MITF: variants seen among roughly 807,000 people sequenced by gnomAD.
MITF encodes the protein melanocyte inducing transcription factor, also known as microphthalmia-associated transcription factor.
A neutral mutation model predicts 60.5 loss-of-function variants in MITF; 17 were observed. The ratio of observed to expected loss-of-function variants is 0.28; its 90% CI spans 0.19 to 0.42. The LOEUF (loss-of-function observed/expected upper bound fraction) is 0.42. Ranked by LOEUF, MITF falls within the 10% of genes least tolerant of loss-of-function variation. The probability of loss-of-function intolerance (pLI) is 1.00; values close to 1 mark genes in which losing one functional copy is unlikely to be tolerated. For synonymous variants in MITF, 260 were observed against 248.5 expected (o/e 1.05, Z -0.43); for missense variants, 622 against 683.5 (o/e 0.91, Z 1.00).
chr3:69,913,535 G>T (rs1385273123), intron 2 of MITF, among the ~76,000 whole-genome samples: 1 of 152,166 alleles, frequency 6.6e-6, no homozygotes, highest in African/African-American at 2.4e-5. Context: ...AGTGACAATG[G>T]TGCACAGTTG....
intron 1 of MITF, among the ~76,000 whole-genome samples, chr3:69,864,822 C>T (rs1051720657): frequency 3.3e-5 from 5 of 152,128 alleles, no homozygotes; most frequent in African/African-American, 9.7e-5. Context: ...ATAGTTCTTA[C>T]ATATGTTGTT....
chr3:69,895,808 TTG>T (rs35088149), intron 2 of MITF, among the ~76,000 whole-genome samples: 15,998 of 139,904 alleles, frequency 0.11, 687 homozygotes, highest in Admixed American at 0.17. Flanking sequence ...TGTGGAGTGT[TTG>T]TGTGTGTGTG....
chr3:69,762,767 C>A, intron 1 of MITF: 1 of 223,678 alleles, frequency 4.5e-6, no homozygotes. Context: ...CTCCATGAGT[C>A]TGAGCATCTA....
intron 1 of MITF, among the ~76,000 whole-genome samples, chr3:69,765,729 C>T (rs974314027): frequency 6.6e-6 from 1 of 152,134 alleles, no homozygotes; most frequent in Non-Finnish European, 1.5e-5. Context: ...AAATATGATT[C>T]CCTTACCATA....
intron 1 of MITF, among the ~76,000 whole-genome samples, chr3:69,808,417 C>T (rs933822109): frequency 6.6e-6 from 1 of 152,078 alleles, no homozygotes; most frequent in Non-Finnish European, 1.5e-5. Flanking sequence ...TATTCTCTGT[C>T]ATGGGGCTTG....
At chr3:69,865,973 G>A (rs2064106850) in intron 1 of MITF, among the ~76,000 whole-genome samples, 1 of 152,182 alleles carries the variant, frequency 6.6e-6, no homozygotes, top group South Asian at 2.1e-4. Flanking sequence ...AGCCAGTACC[G>A]GAGCTGGGTA....
chr3:69,955,492 G>A (rs1430961438), intron 7 of MITF, among the ~76,000 whole-genome samples: 1 of 152,152 alleles, frequency 6.6e-6, no homozygotes, highest in East Asian at 1.9e-4. Flanking sequence ...TGTGGCCCAT[G>A]AGTTAAGAAT....
At chr3:69,889,104 A>G (rs2064699695) in intron 2 of MITF, among the ~76,000 whole-genome samples, 1 of 148,758 alleles carries the variant, frequency 6.7e-6, no homozygotes, top group Non-Finnish European at 1.5e-5. Context: ...TCTTAAAAGA[A>G]TGAATTTATG....
rs1167242667 is a variant in MITF, at chr3:69,964,397, G to A, written c.1180-450G>A. On this transcript the variant is annotated intron_variant, in intron 9 of 9. Transcript: ENST00000352241. ...TAAAAATTTATTTCACATACTGCCA[G>A]TGGTACTTCTCCTATACTTTAGAAC... 2.1e-4 allele frequency among the ~76,000 whole-genome samples: 16 copies of A among 77,094 alleles called. 5 individuals carry two copies. The highest frequency in any genetic ancestry group is 2.1e-3 in the Admixed American group (16 of 7,750). The allele number at this position is 77,094 out of a possible 152,430, so 50.6% of individuals were successfully genotyped here.
intron 2 of MITF, among the ~76,000 whole-genome samples, chr3:69,896,770 C>T (rs1445772068): frequency 2.6e-5 from 4 of 152,142 alleles, no homozygotes; most frequent in Non-Finnish European, 4.4e-5. Flanking sequence ...TATGTAAGTA[C>T]CTAGCACAGC....
At chr3:69,820,354 G>T (rs1331167986) in intron 1 of MITF, among the ~76,000 whole-genome samples, 1 of 152,120 alleles carries the variant, frequency 6.6e-6, no homozygotes. Flanking sequence ...GTTACACTTT[G>T]ATGTGACTCT....
chr3:69,895,804 GTGTT>G (rs1440471711), intron 2 of MITF, among the ~76,000 whole-genome samples: 2 of 123,580 alleles, frequency 1.6e-5, no homozygotes, highest in African/African-American at 6.0e-5. Flanking sequence ...GAATTGTGGA[GTGTT>G]TGTGTGTGTG....
At chr3:69,780,180 C>G (rs534745362) in intron 1 of MITF, among the ~76,000 whole-genome samples, 1 of 151,998 alleles carries the variant, frequency 6.6e-6, no homozygotes, top group Non-Finnish European at 1.5e-5. Flanking sequence ...AAATGGGCCA[C>G]GTGGAAACGA....
In MITF at chr3:69,937,928, A is replaced by T; in HGVS notation, c.461A>T (p.Gln154Leu). 1 of 1,614,166 alleles carries T rather than the reference A, an allele frequency of 6.2e-7. No homozygotes were observed. The highest frequency in any genetic ancestry group is 8.5e-7 in the Non-Finnish European group (1 of 1,180,008). ...ACTTTAGCAAATAAACATGCCAACC[A>T]AGTCCTGAGCTTGCCATGTCCAAAC... ...STTLANKHAN[Q>L]VLSLPCPNQP... The change falls in exon 3 of 10, where the codon CAA (glutamine) becomes CTA (leucine). Residue 154 changes from glutamine (Q) to leucine (L), a missense_variant. This residue lies in a region of MITF where 215 missense variants were observed against 224.8 expected (regional missense o/e 0.96). Transcript: ENST00000352241.
At chr3:69,739,790 G>T in intron 1 of MITF, 89 bp downstream of exon 1, 1 of 998,806 alleles carries the variant, frequency 1.0e-6, no homozygotes, top group Non-Finnish European at 1.5e-6. Flanking sequence ...GGTCGCGGGA[G>T]CTCTGGGACA....
At chr3:69,850,515 T>A (rs2063807320) in intron 1 of MITF, among the ~76,000 whole-genome samples, 1 of 152,104 alleles carries the variant, frequency 6.6e-6, no homozygotes, top group Admixed American at 6.5e-5. Flanking sequence ...TTAAGAACCT[T>A]TTGAAAGGGG....
rs2107552776 is a variant in MITF at position 69,965,077 on chromosome 3, C to A, written c.1410C>A (p.Ala470=). Residue 470 remains alanine (A), a synonymous_variant, in exon 10 of 10, where the codon GCC becomes GCA. Transcript: ENST00000352241. ...NLGTGTEANQ[A]YSVPTKMGSK... is the part of the protein sequence containing the mutation. Reference sequence around the variant, plus strand: ...GAACTGGGACTGAGGCCAACCAAGCCTATAGTGTCCCCACAAAAATGGGAT... The same window carrying A: ...GAACTGGGACTGAGGCCAACCAAGCATATAGTGTCCCCACAAAAATGGGAT... The A allele has an allele frequency of 6.2e-7, 1 of 1,614,136 alleles. No homozygotes were observed. The highest frequency in any genetic ancestry group is 8.5e-7 in the Non-Finnish European group (1 of 1,180,016).
At chr3:69,808,416 T>A (rs899706387) in intron 1 of MITF, among the ~76,000 whole-genome samples, 1 of 152,100 alleles carries the variant, frequency 6.6e-6, no homozygotes, top group Non-Finnish European at 1.5e-5. Flanking sequence ...ATATTCTCTG[T>A]CATGGGGCTT....
chr3:69,765,727 T>A (rs961210949), intron 1 of MITF, among the ~76,000 whole-genome samples: 1 of 152,232 alleles, frequency 6.6e-6, no homozygotes, highest in African/African-American at 2.4e-5. Context: ...ACAAATATGA[T>A]TCCCTTACCA....
Sources: gnomAD v4.1 joint callset for allele counts (sites outside exome capture counted in the v4.1 genomes callset) on GRCh38, gnomAD v4.1.1 for gene constraint, gnomAD v4.1.1 regional missense constraint, MANE v1.5 for transcripts, NCBI Gene and HGNC (gene_info 2026-07-23, HGNC 2026-07-21) for gene names.